CCNY: variants seen among roughly 807,000 people sequenced by gnomAD.
CCNY encodes cyclin Y.
A neutral mutation model predicts 42.8 loss-of-function variants in CCNY; 19 were observed. The observed-to-expected ratio is 0.44, with a 90% confidence interval of 0.31 to 0.65. The LOEUF (loss-of-function observed/expected upper bound fraction) is 0.65, where lower values mean the gene tolerates loss of function less well. CCNY is among the 30% of genes least tolerant of loss of function. The probability of loss-of-function intolerance (pLI) is 0.07; values close to 1 mark genes in which losing one functional copy is unlikely to be tolerated. For missense variants in CCNY, 370 were observed against 437.3 expected (o/e 0.85, Z 1.37); for synonymous variants, 165 against 162.7 (o/e 1.01, Z -0.11).
intron 1 of CCNY, among the ~76,000 whole-genome samples, chr10:35,436,407 T>G (rs1838534234): frequency 6.6e-6 from 1 of 152,202 alleles, no homozygotes; most frequent in South Asian, 2.1e-4. Flanking sequence ...GGTTAGGTTT[T>G]CTGCTGCTGC....
chr10:35,365,252 A>G (rs1836785006), intron 1 of CCNY, among the ~76,000 whole-genome samples: 1 of 152,208 alleles, frequency 6.6e-6, no homozygotes, highest in Admixed American at 6.5e-5. Context: ...CAAGAGTAAC[A>G]TAAATTTGAT....
intron 4 of CCNY, among the ~76,000 whole-genome samples, chr10:35,522,304 C>T (rs912158773): frequency 6.6e-6 from 1 of 152,172 alleles, no homozygotes; most frequent in African/African-American, 2.4e-5. Flanking sequence ...TTTCTGGGCC[C>T]CTGACTTATA....
At chr10:35,417,512 T>C (rs1225263753) in intron 1 of CCNY, among the ~76,000 whole-genome samples, 5 of 152,246 alleles carry the variant, frequency 3.3e-5, no homozygotes, top group Admixed American at 3.3e-4. Flanking sequence ...TGGTCAGTTT[T>C]AGCTAAAATG....
At chr10:35,383,199 G>T (rs1207198845) in intron 1 of CCNY, among the ~76,000 whole-genome samples, 1 of 152,200 alleles carries the variant, frequency 6.6e-6, no homozygotes, top group Non-Finnish European at 1.5e-5. Context: ...TGACCTAGGG[G>T]TGACTGTAAA....
chr10:35,503,143 C>CT (rs1840144957), intron 3 of CCNY, among the ~76,000 whole-genome samples: 1 of 152,136 alleles, frequency 6.6e-6, no homozygotes, highest in African/African-American at 2.4e-5. Context: ...CCTGTATAGT[C>CT]TGAGCACCTG....
chr10:35,519,785 T>C (rs1288910870), intron 4 of CCNY, among the ~76,000 whole-genome samples: 2 of 134,008 alleles, frequency 1.5e-5, no homozygotes, highest in Non-Finnish European at 3.2e-5. Flanking sequence ...TCTTTTTTTT[T>C]TTTTTTTTTT....
rs1194345267 is a variant in CCNY at position 35,475,673 on chromosome 10, G to A, written c.155-7731G>A. ...TGGAAAGGAACAACTGGTACCAGCC[G>A]CTGCAAAATCATGCCAAAATGTAAA... On this transcript the variant is annotated intron_variant, in intron 1 of 9. Coordinates refer to ENST00000374704, the MANE Select transcript of CCNY (RefSeq NM_145012.6). 4.3e-3 allele frequency among the ~76,000 whole-genome samples: 631 copies of A among 147,906 alleles called. 13 individuals carry two copies. Among genetic ancestry groups the A allele is most frequent in the African/African-American group, 0.015 (585 of 38,636 alleles).
At chr10:35,269,632 T>TG (rs59191589) in intron 3 of CCNY, among the ~76,000 whole-genome samples, 1 of 108,704 alleles carries the variant, frequency 9.2e-6, no homozygotes, top group Non-Finnish European at 1.7e-5. Flanking sequence ...TTTTTTTTTG[T>TG]TTTGTTTTTT....
intron 8 of CCNY, among the ~76,000 whole-genome samples, chr10:35,558,242 G>C (rs1367237134): frequency 6.6e-6 from 1 of 152,154 alleles, no homozygotes; most frequent in Non-Finnish European, 1.5e-5. Flanking sequence ...CCTTAGTAAG[G>C]GCAGGTGAGC....
chr10:35,520,800 C>A (rs2135413210), intron 4 of CCNY, among the ~76,000 whole-genome samples: 1 of 152,324 alleles, frequency 6.6e-6, no homozygotes, highest in East Asian at 1.9e-4. Flanking sequence ...TAAATGCCAA[C>A]AGCTGTGGTA....
intron 7 of CCNY, 117 bp from the exon 8 acceptor site, chr10:35,552,902 T>G: frequency 9.5e-7 from 1 of 1,055,992 alleles, no homozygotes; most frequent in Non-Finnish European, 1.4e-6. Flanking sequence ...TAAATGTGAT[T>G]GGGTAATAAA....
intron 4 of CCNY, among the ~76,000 whole-genome samples, chr10:35,524,359 A>T (rs1484657304): frequency 1.3e-5 from 2 of 152,376 alleles, no homozygotes; most frequent in African/African-American, 2.4e-5. Context: ...TTTGCTCATG[A>T]GTACTTTCAA....
At chr10:35,464,839 CTCAAATGCCTTTTT>C (rs2135335076) in intron 1 of CCNY, among the ~76,000 whole-genome samples, 1 of 152,296 alleles carries the variant, frequency 6.6e-6, no homozygotes, top group Non-Finnish European at 1.5e-5. Flanking sequence ...TGATAGTGGA[CTCAAATGCCTTTTT>C]TCTAGCTTTC....
intron 1 of CCNY, among the ~76,000 whole-genome samples, chr10:35,456,997 G>A (rs1198369054): frequency 2.0e-5 from 3 of 152,152 alleles, no homozygotes; most frequent in Admixed American, 2.0e-4. Flanking sequence ...TTCAAGTAGT[G>A]AACCAGCTCT....
At chr10:35,529,193 T>G (rs1840713195) in intron 5 of CCNY, among the ~76,000 whole-genome samples, 1 of 152,206 alleles carries the variant, frequency 6.6e-6, no homozygotes, top group African/African-American at 2.4e-5. Context: ...CTGTCACCTG[T>G]TGTTTTTCAG....
intron 2 of CCNY, among the ~76,000 whole-genome samples, chr10:35,499,792 G>T (rs1411434197): frequency 6.6e-6 from 1 of 152,214 alleles, no homozygotes; most frequent in African/African-American, 2.4e-5. Flanking sequence ...AACCCTGTCA[G>T]TTCTGTGGCC....
chr10:35,431,829 C>T (rs554995830), intron 1 of CCNY, among the ~76,000 whole-genome samples: 1 of 152,158 alleles, frequency 6.6e-6, no homozygotes, highest in South Asian at 2.1e-4. Context: ...TACTTAGCCT[C>T]CTAGTTTTTT....
intron 2 of CCNY, among the ~76,000 whole-genome samples, chr10:35,500,267 C>T (rs1195156339): frequency 2.6e-5 from 4 of 152,212 alleles, no homozygotes; most frequent in Non-Finnish European, 5.9e-5. Flanking sequence ...CAACAGTATC[C>T]TCAGACTAAT....
At chr10:35,477,149 C>T (rs2135355311) in intron 1 of CCNY, among the ~76,000 whole-genome samples, 1 of 152,148 alleles carries the variant, frequency 6.6e-6, no homozygotes, top group South Asian at 2.1e-4. Flanking sequence ...TAATCAATAG[C>T]TTACCAACCA....
Sources: allele counts gnomAD v4.1 joint callset (sites outside exome capture counted in the v4.1 genomes callset), GRCh38; gene constraint gnomAD v4.1.1; transcripts MANE v1.5; gene names NCBI Gene and HGNC (gene_info 2026-07-23, HGNC 2026-07-21).